SIPA1L3: variants seen among roughly 807,000 people sequenced by gnomAD.
SIPA1L3 encodes the protein signal induced proliferation associated 1 like 3, also known as signal-induced proliferation-associated 1-like protein 3.
Under a neutral mutation model 150.1 loss-of-function variants are expected in SIPA1L3, and 59 were observed. That is an observed-to-expected ratio of 0.39 (90% CI 0.32 to 0.49). The LOEUF (loss-of-function observed/expected upper bound fraction) is 0.49. Among genes scored for constraint, SIPA1L3 ranks in the 20% least tolerant of loss-of-function variants. The pLI, the probability that SIPA1L3 is intolerant of heterozygous loss-of-function variation, is 0.86. For missense variants in SIPA1L3, 2,211 were observed against 2,489.5 expected (o/e 0.89, Z 2.38); for synonymous variants, 1,070 against 1,077.6 (o/e 0.99, Z 0.14).
At chr19:38,195,978 C>T (rs1429650630) in intron 18 of SIPA1L3, among the ~76,000 whole-genome samples, 3 of 152,144 alleles carry the variant, frequency 2.0e-5, no homozygotes, top group Admixed American at 1.3e-4. Context: ...TCAGGTCCCT[C>T]TGCATCACAC....
chr19:38,083,992 CAAAA>C (rs748446835), intron 3 of SIPA1L3, among the ~76,000 whole-genome samples: 2 of 71,482 alleles, frequency 2.8e-5, no homozygotes, highest in Admixed American at 1.5e-4. Context: ...GACTCTGTCT[CAAAA>C]AAAAAAAAAA....
chr19:38,150,793 G>A (rs773314108), intron 12 of SIPA1L3, among the ~76,000 whole-genome samples: 4 of 151,628 alleles, frequency 2.6e-5, no homozygotes, highest in Non-Finnish European at 5.9e-5. Context: ...TGCCTGCCTC[G>A]GCCTCCCAAA....
chr19:38,183,324 C>T (rs1972602229), intron 16 of SIPA1L3, among the ~76,000 whole-genome samples: 3 of 151,308 alleles, frequency 2.0e-5, no homozygotes, highest in African/African-American at 7.3e-5. Context: ...GAGCTGCTGT[C>T]ATGGTCCAGG....
chr19:38,016,705 C>T (rs939867787), intron 1 of SIPA1L3, among the ~76,000 whole-genome samples: 2 of 151,934 alleles, frequency 1.3e-5, no homozygotes, highest in African/African-American at 2.4e-5. Context: ...GTTGGCCAGG[C>T]TGGTCTTGAA....
chr19:37,907,835 G>A (rs1182403162), intron 1 of SIPA1L3: 1 of 152,250 alleles, frequency 6.6e-6, no homozygotes, highest in Non-Finnish European at 1.5e-5. Flanking sequence ...GCGTGTGCAT[G>A]TAAAGAGGTG....
intron 8 of SIPA1L3, among the ~76,000 whole-genome samples, chr19:38,118,026 A>G (rs1970929568): frequency 6.6e-6 from 1 of 152,160 alleles, no homozygotes; most frequent in Non-Finnish European, 1.5e-5. Context: ...TGTTACAATG[A>G]ACTTCCTTTA....
intron 12 of SIPA1L3, among the ~76,000 whole-genome samples, chr19:38,144,514 C>G (rs1311282379): frequency 6.6e-6 from 1 of 152,222 alleles, no homozygotes; most frequent in South Asian, 2.1e-4. Context: ...TGGGCCTGAG[C>G]CCCAAATTTC....
rs1407388329 is a variant in SIPA1L3, at chr19:37,921,304, GGTAAAATTCTTATGCGGAAGTGGCA to G, written c.-379+13948_-379+13972del. On this transcript the variant is annotated intron_variant, in intron 1 of 21. Transcript: ENST00000222345. ...CTGGAACAACAGCACATGAGTATGTGGTAAAATTCTTATGCGGAAGTGGCAGGAAAAGAGGGAAACGTTTGGGGGC... is the reference window on the plus strand; with the variant it reads ...CTGGAACAACAGCACATGAGTATGTGGGAAAAGAGGGAAACGTTTGGGGGC... Among the ~76,000 whole-genome samples, 6 of 152,302 alleles carry G rather than the reference GGTAAAATTCTTATGCGGAAGTGGCA, an allele frequency of 3.9e-5. No homozygotes were observed. In the East Asian group the frequency reaches 5.8e-4, roughly 15 times the overall value.
At chr19:38,065,915 C>CTATCTATCTATT (rs74176413) in intron 2 of SIPA1L3, among the ~76,000 whole-genome samples, 9 of 127,698 alleles carry the variant, frequency 7.0e-5, no homozygotes, top group African/African-American at 2.4e-4. Flanking sequence ...ATTTATTTAT[C>CTATCTATCTATT]TATTTATTTA....
At chr19:38,103,005 T>A (rs2145862996) in intron 6 of SIPA1L3, among the ~76,000 whole-genome samples, 1 of 152,080 alleles carries the variant, frequency 6.6e-6, no homozygotes, top group East Asian at 1.9e-4. Flanking sequence ...TTCACGCCTA[T>A]AATCCCAGCT....
intron 15 of SIPA1L3, among the ~76,000 whole-genome samples, chr19:38,166,374 T>A (rs544759500): frequency 1.4e-4 from 21 of 151,346 alleles, no homozygotes; most frequent in South Asian, 4.2e-4. Flanking sequence ...GGAGAATCGC[T>A]TGAACCCAGG....
chr19:38,030,418 T>G (rs2145720027), intron 2 of SIPA1L3, among the ~76,000 whole-genome samples: 1 of 151,942 alleles, frequency 6.6e-6, no homozygotes, highest in Middle Eastern at 3.4e-3. Context: ...AAAAATTAGC[T>G]GGGCGTGGTG....
intron 1 of SIPA1L3, among the ~76,000 whole-genome samples, chr19:37,915,872 G>A (rs1010956957): frequency 6.6e-6 from 1 of 152,090 alleles, no homozygotes; most frequent in African/African-American, 2.4e-5. Context: ...TAGATGTGAG[G>A]ACAGTAGTGG....
chr19:38,010,621 G>A (rs2145679639), intron 1 of SIPA1L3, among the ~76,000 whole-genome samples: 1 of 152,312 alleles, frequency 6.6e-6, no homozygotes, highest in East Asian at 1.9e-4. Flanking sequence ...TGAGGCAGGA[G>A]AATCGCTTGA....
chr19:37,953,740 C>T (rs999916908), intron 1 of SIPA1L3, among the ~76,000 whole-genome samples: 5 of 152,186 alleles, frequency 3.3e-5, no homozygotes, highest in Non-Finnish European at 7.3e-5. Context: ...ACTGACTCCT[C>T]GCTGCTGGCT....
At chr19:38,119,143 C>T (rs887952380) in intron 8 of SIPA1L3, among the ~76,000 whole-genome samples, 163 bp from the exon 9 acceptor site, 1 of 152,172 alleles carries the variant, frequency 6.6e-6, no homozygotes, top group African/African-American at 2.4e-5. Flanking sequence ...CTGCAGTGCG[C>T]TATGATTGCA....
At chr19:38,004,414 A>G (rs1967885414) in intron 1 of SIPA1L3, among the ~76,000 whole-genome samples, 1 of 152,204 alleles carries the variant, frequency 6.6e-6, no homozygotes, top group Non-Finnish European at 1.5e-5. Context: ...TTCAACTGGA[A>G]AGCCCAGAGG....
intron 18 of SIPA1L3, among the ~76,000 whole-genome samples, chr19:38,196,232 C>T (rs1178447141): frequency 6.6e-6 from 1 of 152,254 alleles, no homozygotes; most frequent in African/African-American, 2.4e-5. Context: ...CCCTGCTCAG[C>T]AATGGCAGCC....
At chr19:38,031,769 C>T (rs1229061772) in intron 2 of SIPA1L3, among the ~76,000 whole-genome samples, 1 of 152,104 alleles carries the variant, frequency 6.6e-6, no homozygotes, top group African/African-American at 2.4e-5. Flanking sequence ...TGAAGTGAGA[C>T]CCTAGCTCTA....
Sources: gnomAD v4.1 joint callset for allele counts (sites outside exome capture counted in the v4.1 genomes callset) on GRCh38, gnomAD v4.1.1 for gene constraint, MANE v1.5 for transcripts, NCBI Gene and HGNC (gene_info 2026-07-23, HGNC 2026-07-21) for gene names.